SLCO1A2: variants seen among roughly 807,000 people sequenced by gnomAD.
SLCO1A2 encodes OATP-1.
SLCO1A2 carries 67 observed loss-of-function variants against 69.0 expected under a neutral mutation model. The ratio of observed to expected loss-of-function variants is 0.97; its 90% CI spans 0.80 to 1.19. SLCO1A2 has a LOEUF of 1.19. SLCO1A2 is among the 50% of genes most tolerant of loss of function. The pLI is 0.00. For missense variants in SLCO1A2, 787 were observed against 793.7 expected (o/e 0.99, Z 0.10); for synonymous variants, 260 against 265.9 (o/e 0.98, Z 0.22).
intron 4 of SLCO1A2, among the ~76,000 whole-genome samples, chr12:21,311,263 C>T (rs1041844453): frequency 6.6e-6 from 1 of 152,100 alleles, no homozygotes; most frequent in African/African-American, 2.4e-5. Flanking sequence ...AATCTTGAAC[C>T]CCTCAGGGTT....
chr12:21,298,531 A>T (rs1948102390), intron 8 of SLCO1A2, among the ~76,000 whole-genome samples: 1 of 152,216 alleles, frequency 6.6e-6, no homozygotes, highest in South Asian at 2.1e-4. Context: ...ATTTCAATAA[A>T]TAAACAATTT....
At chr12:21,358,942 C>T (rs73239253) in intron 2 of SLCO1A2, among the ~76,000 whole-genome samples, 3,746 of 152,112 alleles carry the variant, frequency 0.025, 184 homozygotes, top group African/African-American at 0.085. Context: ...CAATAACAGG[C>T]TGAAGATATT....
intron 2 of SLCO1A2, among the ~76,000 whole-genome samples, chr12:21,321,744 C>G (rs533469467): frequency 2.6e-5 from 4 of 152,308 alleles, no homozygotes; most frequent in African/African-American, 9.6e-5. Context: ...AATTCATTCT[C>G]AAGACTCAGG....
chr12:21,269,761 G>A lies in SLCO1A2; in HGVS notation c.1800C>T (p.Ile600=). The change falls in exon 15 of 15, where the codon ATC becomes ATT. Residue 600 remains isoleucine (I), a synonymous_variant. Transcript: ENST00000683939. ...RIYDSTTFRY[I]YLGLPAALRG... ...TTAGTGCTGCCGGCAATCCGAGGTA[G>A]ATGTATCTATTTTTTTAAAAGTTAA... is the stretch of plus-strand genomic sequence containing the variant. The A allele has an allele frequency of 1.2e-6, 2 of 1,605,010 alleles. No individual in the cohort carries two copies. The highest frequency in any genetic ancestry group is 1.7e-6 in the Non-Finnish European group (2 of 1,175,618).
intron 2 of SLCO1A2, among the ~76,000 whole-genome samples, chr12:21,361,606 G>A (rs1179990319): frequency 6.6e-6 from 1 of 152,136 alleles, no homozygotes. Flanking sequence ...AGCTAAAGGA[G>A]GATGTTTGAA....
chr12:21,294,658 C>T (rs1246169308), intron 10 of SLCO1A2: 1 of 152,162 alleles, frequency 6.6e-6, no homozygotes, highest in Non-Finnish European at 1.5e-5. Flanking sequence ...GTGCGACTTT[C>T]TACACATTCT....
chr12:21,406,215 C>T (rs762640391), intron 1 of SLCO1A2, among the ~76,000 whole-genome samples: 92 of 152,312 alleles, frequency 6.0e-4, no homozygotes, highest in East Asian at 3.5e-3. Flanking sequence ...TGCATGCACG[C>T]GCAACACTTG....
At chr12:21,334,014 C>A (rs1022502505) in intron 2 of SLCO1A2, among the ~76,000 whole-genome samples, 16 of 151,766 alleles carry the variant, frequency 1.1e-4, no homozygotes, top group African/African-American at 3.6e-4. Flanking sequence ...TGTCCAGATC[C>A]CTTGGTTTAT....
At chr12:21,418,864 T>C (rs1241001240), upstream of SLCO1A2, among the ~76,000 whole-genome samples, 1 of 152,138 alleles carries the variant, frequency 6.6e-6, no homozygotes, top group East Asian at 1.9e-4. Flanking sequence ...AAATTTGGCT[T>C]ATGATCTATT....
At chr12:21,392,667 G>A (rs370976167) in intron 1 of SLCO1A2, among the ~76,000 whole-genome samples, 4 of 152,148 alleles carry the variant, frequency 2.6e-5, no homozygotes, top group African/African-American at 9.7e-5. Context: ...TGTTACACAT[G>A]CTGGCAATGA....
intron 2 of SLCO1A2, among the ~76,000 whole-genome samples, chr12:21,342,467 A>G (rs1265441844): frequency 6.6e-6 from 1 of 152,044 alleles, no homozygotes; most frequent in African/African-American, 2.4e-5. Flanking sequence ...AATTCCAAAC[A>G]TAAAAAATCA....
At chr12:21,393,157 T>G (rs1037856537) in intron 1 of SLCO1A2, among the ~76,000 whole-genome samples, 3 of 152,174 alleles carry the variant, frequency 2.0e-5, no homozygotes, top group African/African-American at 7.2e-5. Context: ...ATTGTACATT[T>G]AAAATCAGAA....
At chr12:21,366,444 A>G (rs1939392184) in intron 2 of SLCO1A2, among the ~76,000 whole-genome samples, 1 of 152,128 alleles carries the variant, frequency 6.6e-6, no homozygotes, top group Admixed American at 6.5e-5. Context: ...TACCTAATGT[A>G]AATGACGAGT....
intron 1 of SLCO1A2, among the ~76,000 whole-genome samples, chr12:21,415,653 T>C (rs1941977326): frequency 1.3e-5 from 2 of 152,152 alleles, no homozygotes; most frequent in Non-Finnish European, 2.9e-5. Context: ...ATTGATATTT[T>C]CTTATCCTTT....
intron 12 of SLCO1A2, among the ~76,000 whole-genome samples, chr12:21,288,018 A>G (rs947168210): frequency 6.6e-6 from 1 of 151,408 alleles, no homozygotes; most frequent in African/African-American, 2.4e-5. Flanking sequence ...TAATAAAAAA[A>G]AAAAAAAAAA....
rs559839485 is a variant in SLCO1A2 at position 21,359,732 on chromosome 12, G to A, written c.-63+14667C>T. On this transcript the variant is annotated intron_variant, in intron 2 of 15. Coordinates refer to the SLCO1A2 transcript ENST00000307378. ...ACTGCACTCCAGCCTGGGCGACAGA[G>A]CGAGACTCCGTCTTAAAAAAAAAAA... Among the ~76,000 whole-genome samples, 23 of 147,562 alleles carry A rather than the reference G, an allele frequency of 1.6e-4. No individual in the cohort carries two copies. In the Middle Eastern group the frequency reaches 0.01, roughly 67 times the overall value.
intron 2 of SLCO1A2, among the ~76,000 whole-genome samples, chr12:21,363,864 G>C (rs1047998686): frequency 6.6e-6 from 1 of 152,090 alleles, no homozygotes; most frequent in African/African-American, 2.4e-5. Flanking sequence ...CTGAATCCCT[G>C]AATAGACCAA....
chr12:21,300,551 G>A lies in SLCO1A2; in HGVS notation c.707C>T (p.Pro236Leu), dbSNP rs1301800922. The A allele has an allele frequency of 1.2e-6, 2 of 1,611,428 alleles. No individual in the cohort carries two copies. The highest frequency in any genetic ancestry group is 8.5e-7 in the Non-Finnish European group (1 of 1,178,710). ...FVNTDDLIIT[P>L]TDTRWVGAWW... ...TGCACCGACCCAACGAGTGTCAGTG[G>A]GAGTTATGATCAGATCATCTGTAAA... Residue 236 changes from proline to leucine, a missense_variant, in exon 8 of 15, where the codon CCC becomes CTC. Transcript: ENST00000683939.
intron 1 of SLCO1A2, among the ~76,000 whole-genome samples, chr12:21,417,405 T>C (rs779732876): frequency 1.8e-4 from 27 of 149,796 alleles, no homozygotes; most frequent in Non-Finnish European, 3.8e-4. Context: ...TTAAGTTACA[T>C]CTTTCATAGT....
Sources: allele counts gnomAD v4.1 joint callset (sites outside exome capture counted in the v4.1 genomes callset), GRCh38; gene constraint gnomAD v4.1.1; transcripts MANE v1.5; gene names NCBI Gene and HGNC (gene_info 2026-07-23, HGNC 2026-07-21).